The following ROBO1 variants were observed in gnomAD, a reference collection of about 807,000 sequenced individuals.
ROBO1 encodes roundabout homolog 1.
A neutral mutation model predicts 195.9 loss-of-function variants in ROBO1; 149 were observed. That is an observed-to-expected ratio of 0.76 (90% CI 0.67 to 0.87). The LOEUF (loss-of-function observed/expected upper bound fraction) is 0.87. ROBO1 is among the 40% of genes least tolerant of loss of function. ROBO1 has a pLI of 0.00. For missense variants in ROBO1, 1,933 were observed against 2,068.3 expected (o/e 0.93, Z 1.27); for synonymous variants, 816 against 733.2 (o/e 1.11, Z -1.82).
At chr3:78,678,242 C>A (rs1342391191) in intron 10 of ROBO1, among the ~76,000 whole-genome samples, 15 of 150,426 alleles carry the variant, frequency 1.0e-4, no homozygotes, top group Middle Eastern at 3.4e-3. Context: ...AAAATTGACA[C>A]CCTAACATCA....
intron 3 of ROBO1, among the ~76,000 whole-genome samples, chr3:79,047,458 TG>T (rs2078615691): frequency 6.6e-6 from 1 of 152,102 alleles, no homozygotes. Flanking sequence ...TTTGGAGTGC[TG>T]ATCAGATCCA....
intron 2 of ROBO1, among the ~76,000 whole-genome samples, chr3:79,510,493 T>C (rs543895662): frequency 2.0e-5 from 3 of 152,198 alleles, no homozygotes; most frequent in African/African-American, 7.2e-5. Context: ...ATACACATCC[T>C]TGCAATCCAC....
chr3:78,845,286 G>GA (rs1290790792), intron 4 of ROBO1, among the ~76,000 whole-genome samples: 1 of 151,376 alleles, frequency 6.6e-6, no homozygotes, highest in Non-Finnish European at 1.5e-5. Context: ...GATTTAATAT[G>GA]AAAAAAGTGT....
chr3:79,453,271 T>G (rs2039506280), intron 2 of ROBO1, among the ~76,000 whole-genome samples: 1 of 152,050 alleles, frequency 6.6e-6, no homozygotes, highest in Non-Finnish European at 1.5e-5. Context: ...CAAAAGACCA[T>G]TTAGCATTGC....
chr3:79,302,594 C>T (rs1175819408), intron 2 of ROBO1, among the ~76,000 whole-genome samples: 3 of 152,086 alleles, frequency 2.0e-5, no homozygotes, highest in South Asian at 2.1e-4. Flanking sequence ...TTCATTTTGA[C>T]TTAATTGATG....
intron 5 of ROBO1, among the ~76,000 whole-genome samples, chr3:78,743,854 C>G (rs534838402): frequency 6.6e-6 from 1 of 152,112 alleles, no homozygotes; most frequent in South Asian, 2.1e-4. Flanking sequence ...TTGTCACTCA[C>G]AACCCATGAA....
chr3:79,569,123 C>T (rs1240767498), intron 2 of ROBO1, among the ~76,000 whole-genome samples: 10 of 144,306 alleles, frequency 6.9e-5, no homozygotes, highest in Non-Finnish European at 1.1e-4. Context: ...CGCGTGCACA[C>T]GCGCACACAC....
intron 2 of ROBO1, among the ~76,000 whole-genome samples, chr3:79,504,270 A>G (rs533432812): frequency 6.6e-6 from 1 of 152,240 alleles, no homozygotes; most frequent in East Asian, 1.9e-4. Flanking sequence ...CCTTTTGTGG[A>G]AACATTTTTG....
At chr3:78,701,955 A>C (rs2107943892) in intron 8 of ROBO1, among the ~76,000 whole-genome samples, 1 of 152,370 alleles carries the variant, frequency 6.6e-6, no homozygotes, top group Non-Finnish European at 1.5e-5. Flanking sequence ...TCAGAGAAAC[A>C]GTTTAAAAGC....
intron 2 of ROBO1, among the ~76,000 whole-genome samples, chr3:79,259,779 T>G (rs2082906073): frequency 6.6e-6 from 1 of 152,158 alleles, no homozygotes; most frequent in African/African-American, 2.4e-5. Flanking sequence ...TTTCTCAAAT[T>G]ACCCACTGTG....
intron 1 of ROBO1, among the ~76,000 whole-genome samples, chr3:79,764,913 G>T (rs1384009954): frequency 6.6e-6 from 1 of 152,064 alleles, no homozygotes; most frequent in Non-Finnish European, 1.5e-5. Flanking sequence ...TTAAACCTTT[G>T]GGACTCCCTA....
At chr3:79,198,520 G>T (rs147774721) in intron 2 of ROBO1, among the ~76,000 whole-genome samples, 1 of 151,950 alleles carries the variant, frequency 6.6e-6, no homozygotes, top group South Asian at 2.1e-4. Flanking sequence ...TGGCTATGAG[G>T]GGTCTTTTTT....
At position 78,662,120 on chromosome 3, in the gene ROBO1, A is replaced by G. The variant is rs1281743564; in HGVS notation, c.1967-6T>C. 2.6e-6 allele frequency: 4 copies of G among 1,554,800 alleles called. No individual in the cohort carries two copies. The highest frequency in any genetic ancestry group is 3.5e-6 in the Non-Finnish European group (4 of 1,148,642). On this transcript the variant is annotated splice_region_variant and splice_polypyrimidine_tract_variant and intron_variant, in intron 14 of 30. Coordinates refer to ENST00000464233, the MANE Select transcript of ROBO1 (RefSeq NM_002941.4). ...CTGACTTGTTGGTAGGACATCTACA[A>G]CAAGTCAAGAAAACTGTGTCAGGGT...
At chr3:78,609,048 A>G (rs1276547501) in intron 28 of ROBO1, among the ~76,000 whole-genome samples, 3 of 152,228 alleles carry the variant, frequency 2.0e-5, no homozygotes, top group African/African-American at 7.2e-5. Flanking sequence ...TTTTGGAATT[A>G]TCAGCATAGC....
chr3:79,334,309 A>T (rs867108826), intron 2 of ROBO1, among the ~76,000 whole-genome samples: 74 of 123,020 alleles, frequency 6.0e-4, no homozygotes, highest in African/African-American at 2.2e-3. Context: ...CTAAAAAAAA[A>T]AAATATATAT....
intron 2 of ROBO1, among the ~76,000 whole-genome samples, chr3:79,276,662 ACAAT>A (rs2031059377): frequency 6.6e-6 from 1 of 152,060 alleles, no homozygotes; most frequent in Non-Finnish European, 1.5e-5. Context: ...AACAAAAGAA[ACAAT>A]CAACAAAATG....
chr3:79,692,857 A>G (rs761287106), intron 1 of ROBO1, among the ~76,000 whole-genome samples: 4 of 151,894 alleles, frequency 2.6e-5, no homozygotes, highest in Non-Finnish European at 5.9e-5. Flanking sequence ...GAATATTTGC[A>G]TATACATAAT....
intron 2 of ROBO1, among the ~76,000 whole-genome samples, chr3:79,343,275 C>T (rs986567826): frequency 6.6e-6 from 1 of 152,040 alleles, no homozygotes; most frequent in East Asian, 1.9e-4. Flanking sequence ...TAGCTTGCTT[C>T]GAAGTTTGGC....
chr3:78,767,320 C>G (rs1433073961), intron 4 of ROBO1, among the ~76,000 whole-genome samples: 1 of 151,824 alleles, frequency 6.6e-6, no homozygotes, highest in East Asian at 1.9e-4. Flanking sequence ...GGCTGGAGTG[C>G]AGTGGCATGA....
Sources: gnomAD v4.1 joint callset for allele counts (sites outside exome capture counted in the v4.1 genomes callset) on GRCh38, gnomAD v4.1.1 for gene constraint, MANE v1.5 for transcripts, NCBI Gene and HGNC (gene_info 2026-07-23, HGNC 2026-07-21) for gene names.